Variants in TIAM2 observed in about 807,000 individuals in gnomAD.
The protein encoded by TIAM2 is TIAM Rac1 associated GEF 2.
In TIAM2, 80 loss-of-function variants were observed where a neutral mutation model predicts 152.9. The observed-to-expected ratio is 0.52, with a 90% CI of 0.44 to 0.63. TIAM2 has a LOEUF of 0.63. Ranked by LOEUF, TIAM2 falls within the 30% of genes least tolerant of loss-of-function variation. The pLI, the probability that TIAM2 is intolerant of heterozygous loss-of-function variation, is 0.00. For synonymous variants in TIAM2, 804 were observed against 838.0 expected, an observed-to-expected ratio of 0.96 and a Z score of 0.70; for missense variants, 1,965 against 2,120.1, an observed-to-expected ratio of 0.93 and a Z score of 1.44.
chr6:155,037,833 A>C (rs970143137), intron 1 of TIAM2, among the ~76,000 whole-genome samples: 9 of 152,108 alleles, frequency 5.9e-5, no homozygotes, highest in Admixed American at 2.6e-4. Flanking sequence ...TCCAGCCCTC[A>C]GAGCTTGTTT....
At chr6:155,126,130 T>G (rs1779289477) in intron 2 of TIAM2, among the ~76,000 whole-genome samples, 1 of 152,190 alleles carries the variant, frequency 6.6e-6, no homozygotes, top group Admixed American at 6.5e-5. Context: ...TGTAATAGAA[T>G]GCTATTCAGC....
intron 1 of TIAM2, among the ~76,000 whole-genome samples, chr6:155,056,973 G>T (rs1465697094): frequency 7.0e-6 from 1 of 142,328 alleles, no homozygotes; most frequent in Non-Finnish European, 1.5e-5. Context: ...CAGTTTTGAG[G>T]AGTATTAGAT....
At chr6:155,185,123 CT>C (rs11404301) in intron 14 of TIAM2, among the ~76,000 whole-genome samples, 8,495 of 92,110 alleles carry the variant, frequency 0.092, 206 homozygotes, top group African/African-American at 0.19. Context: ...GCAAATTTAC[CT>C]TTTTTTTTTT....
At chr6:155,011,510 T>C (rs1338836227) in intron 1 of TIAM2, among the ~76,000 whole-genome samples, 1 of 152,204 alleles carries the variant, frequency 6.6e-6, no homozygotes, top group Non-Finnish European at 1.5e-5. Flanking sequence ...TTCTGAACAA[T>C]GAAACAGCTT....
chr6:155,229,647 T>C (rs1782378574), intron 15 of TIAM2, among the ~76,000 whole-genome samples: 5 of 152,274 alleles, frequency 3.3e-5, no homozygotes, highest in Admixed American at 3.3e-4. Context: ...TCTGAGGCCC[T>C]TGGTGTGAGT....
At chr6:155,168,696 T>G in intron 9 of TIAM2, 1 of 635,412 alleles carries the variant, frequency 1.6e-6, no homozygotes, top group Non-Finnish European at 2.5e-6. Flanking sequence ...AATAAAAACT[T>G]TAAGTGTATT....
At chr6:155,087,506 T>G (rs2114974958) in intron 1 of TIAM2, among the ~76,000 whole-genome samples, 1 of 152,318 alleles carries the variant, frequency 6.6e-6, no homozygotes, top group South Asian at 2.1e-4. Flanking sequence ...TCCAGCACTT[T>G]GGGAGGCTGA....
Position 155,254,072 on chromosome 6 carries a change from T to G in TIAM2, c.4313+12T>G. On this transcript the variant is annotated intron_variant, in intron 25 of 26. Transcript: ENST00000682666. ...CAGTTGTGTTGCAGGTATGACTGAC[T>G]TCCAAAGATTAAAACCAACAGAAAT... The G allele has an allele frequency of 6.2e-7, 1 of 1,609,900 alleles. No homozygotes were observed. Among genetic ancestry groups the G allele is most frequent in the Non-Finnish European group, 8.5e-7 (1 of 1,177,734 alleles).
chr6:155,178,516 G>A (rs1780813880), intron 10 of TIAM2, among the ~76,000 whole-genome samples: 2 of 152,046 alleles, frequency 1.3e-5, no homozygotes, highest in African/African-American at 4.8e-5. Flanking sequence ...ATATTGTTCA[G>A]CGAAAACCTT....
rs532118314 is a variant in TIAM2, at chr6:155,186,080, A to G, written c.3064+2580A>G. On this transcript the variant is annotated intron_variant, in intron 14 of 26. Transcript: ENST00000682666. This position sits in a 1 kb window ranked among gnomAD's most constrained non-coding sequence, Gnocchi z 4.5. ...AAAGAAAATAAGGGTAGGTGGGTGG[A>G]TTAAAAGATAAAAGTGAAAAAAGAC... 2.0e-5 allele frequency among the ~76,000 whole-genome samples: 3 copies of G among 152,250 alleles called. No individual in the cohort carries two copies. The highest frequency in any genetic ancestry group is 4.4e-5 in the Non-Finnish European group (3 of 68,046).
At position 155,249,966 on chromosome 6, in the gene TIAM2, G is replaced by A. The variant is rs760964513; in HGVS notation, c.3948G>A (p.Lys1316=). Residue 1316 remains lysine (K), a synonymous_variant, in exon 21 of 27, where the codon AAG becomes AAA. Coordinates refer to ENST00000682666, the MANE Select transcript of TIAM2 (RefSeq NM_012454.4). ...TAGCTGAGCAGAGCGGAACAGAGAA[G>A]GAGGTCCGTGAGACATCTGCACCCT... ...QLVAEQSGTE[K]EVTELSMGEL... 18 of 1,612,036 alleles carry A rather than the reference G, an allele frequency of 1.1e-5. 1 individual carries two copies. The Admixed American group carries it at 2.9e-4, about 26-fold the overall frequency.
At chr6:155,160,943 G>A (rs916863699) in intron 7 of TIAM2, among the ~76,000 whole-genome samples, 1 of 152,158 alleles carries the variant, frequency 6.6e-6, no homozygotes, top group African/African-American at 2.4e-5. Flanking sequence ...TGGTTGTCTT[G>A]AAACTTAATA....
intron 14 of TIAM2, among the ~76,000 whole-genome samples, chr6:155,204,646 T>C (rs1781554026): frequency 6.6e-6 from 1 of 152,166 alleles, no homozygotes; most frequent in Non-Finnish European, 1.5e-5. Flanking sequence ...TATGAGAGTA[T>C]TAAAAATCAA....
At chr6:155,226,674 GC>G (rs1297317495) in intron 15 of TIAM2, among the ~76,000 whole-genome samples, 2 of 151,302 alleles carry the variant, frequency 1.3e-5, no homozygotes, top group African/African-American at 2.4e-5. Flanking sequence ...TCGGGTGGGG[GC>G]GGGGGGCAGG....
intron 2 of TIAM2, among the ~76,000 whole-genome samples, chr6:155,105,138 A>G (rs969219870): frequency 1.1e-4 from 16 of 151,750 alleles, no homozygotes; most frequent in Non-Finnish European, 2.1e-4. Flanking sequence ...TTGTATTTTT[A>G]GTAGAGATGG....
At chr6:155,166,768 C>T (rs9480076) in intron 9 of TIAM2, among the ~76,000 whole-genome samples, 148,651 of 152,366 alleles carry the variant, frequency 0.98, 72,538 homozygotes, top group East Asian at 1. Flanking sequence ...TGATAATGGA[C>T]TTTATCTTGC....
At chr6:155,228,612 A>C (rs1017641897) in intron 15 of TIAM2, among the ~76,000 whole-genome samples, 3 of 152,186 alleles carry the variant, frequency 2.0e-5, no homozygotes, top group Admixed American at 1.3e-4. Flanking sequence ...GATTAGCCTT[A>C]AGGGTAGCAT....
chr6:154,998,852 A>G (rs757377526), intron 1 of TIAM2, among the ~76,000 whole-genome samples: 2 of 152,182 alleles, frequency 1.3e-5, no homozygotes, highest in East Asian at 3.9e-4. Context: ...TCAAGTACCT[A>G]TAAGAACAGC....
At chr6:155,056,991 T>C (rs922076223) in intron 1 of TIAM2, among the ~76,000 whole-genome samples, 4 of 149,594 alleles carry the variant, frequency 2.7e-5, no homozygotes, top group African/African-American at 9.8e-5. Flanking sequence ...GATAGTTTGC[T>C]AGTAGAATGT....
Sources: allele counts gnomAD v4.1 joint callset (sites outside exome capture counted in the v4.1 genomes callset), GRCh38; gene constraint gnomAD v4.1.1; non-coding constraint Gnocchi (gnomAD v3.1); transcripts MANE v1.5; gene names NCBI Gene and HGNC (gene_info 2026-07-23, HGNC 2026-07-21).